The following NELL1 variants were observed in gnomAD, a reference collection of about 807,000 sequenced individuals.
The protein encoded by NELL1 is protein kinase C-binding protein NELL1.
NELL1 carries 76 observed loss-of-function variants against 107.4 expected under a neutral mutation model. The ratio of observed to expected loss-of-function variants is 0.71; its 90% CI spans 0.59 to 0.86. The LOEUF is 0.86. Ranked by LOEUF, NELL1 falls within the 40% of genes least tolerant of loss-of-function variation. The pLI is 0.00. For synonymous variants in NELL1, 353 were observed against 341.2 expected (o/e 1.03, Z -0.38); for missense variants, 1,024 against 1,005.5 (o/e 1.02, Z -0.25).
intron 16 of NELL1, among the ~76,000 whole-genome samples, chr11:21,539,523 G>A (rs911718011): frequency 2.0e-5 from 3 of 151,792 alleles, no homozygotes; most frequent in Admixed American, 6.6e-5. Flanking sequence ...GGATGGATGC[G>A]GAGCTGGAAA....
chr11:21,197,230 C>T lies in NELL1; in HGVS notation c.1427-32102C>T, dbSNP rs544087039. Reference sequence around the variant, plus strand: ...TTTTTTTTTTTAACTAAAGGAGAAACAGTATGACAGATAACACATAAAAAC... The same window carrying T: ...TTTTTTTTTTTAACTAAAGGAGAAATAGTATGACAGATAACACATAAAAAC... On this transcript the variant is annotated intron_variant, in intron 13 of 19. Transcript: ENST00000357134. Among the ~76,000 whole-genome samples the T allele has an allele frequency of 2.6e-4, 39 of 149,456 alleles. No homozygotes were observed. In the East Asian group the frequency reaches 5.3e-3, roughly 20 times the overall value.
intron 2 of NELL1, among the ~76,000 whole-genome samples, chr11:20,740,412 G>T (rs897822845): frequency 6.6e-6 from 1 of 152,136 alleles, no homozygotes; most frequent in African/African-American, 2.4e-5. Flanking sequence ...GCATTTCCCC[G>T]GTCCCAGGCT....
intron 12 of NELL1, among the ~76,000 whole-genome samples, chr11:20,984,967 C>T (rs1273217382): frequency 2.6e-5 from 4 of 152,168 alleles, no homozygotes; most frequent in Admixed American, 6.6e-5. Flanking sequence ...GTGGTTTCCT[C>T]TCAGTTACAT....
intron 13 of NELL1, among the ~76,000 whole-genome samples, chr11:21,176,749 A>G (rs1392897690): frequency 6.6e-6 from 1 of 151,732 alleles, no homozygotes; most frequent in Non-Finnish European, 1.5e-5. Context: ...CTATGTTGTC[A>G]TCAATCAAAG....
At chr11:21,064,908 A>G (rs1217218501) in intron 12 of NELL1, among the ~76,000 whole-genome samples, 1 of 152,178 alleles carries the variant, frequency 6.6e-6, no homozygotes, top group East Asian at 1.9e-4. Context: ...TTCCTCAGCA[A>G]TCATTATGCA....
At chr11:20,735,609 C>A (rs1855743875) in intron 2 of NELL1, among the ~76,000 whole-genome samples, 1 of 152,134 alleles carries the variant, frequency 6.6e-6, no homozygotes, top group African/African-American at 2.4e-5. Context: ...TGGGTGGGGA[C>A]AGAGCCAAAC....
At chr11:20,825,883 C>T (rs1219208834) in intron 3 of NELL1, among the ~76,000 whole-genome samples, 1 of 151,188 alleles carries the variant, frequency 6.6e-6, no homozygotes, top group African/African-American at 2.4e-5. Flanking sequence ...TATGTCCCCA[C>T]CCAAATCTCA....
intron 4 of NELL1, among the ~76,000 whole-genome samples, chr11:20,868,019 G>A (rs571691457): frequency 2.0e-5 from 3 of 152,294 alleles, no homozygotes; most frequent in Non-Finnish European, 2.9e-5. Context: ...GAAAAGGACC[G>A]AATAATATTT....
At chr11:21,465,323 A>T (rs1854000763) in intron 15 of NELL1, among the ~76,000 whole-genome samples, 1 of 152,096 alleles carries the variant, frequency 6.6e-6, no homozygotes, top group Admixed American at 6.6e-5. Flanking sequence ...AGCTTTGCAC[A>T]AAGTCACCCA....
At chr11:21,401,028 C>T (rs1361948838) in intron 15 of NELL1, among the ~76,000 whole-genome samples, 1 of 151,892 alleles carries the variant, frequency 6.6e-6, no homozygotes, top group African/African-American at 2.4e-5. Flanking sequence ...TTGAATGTCA[C>T]AGAGCTATAG....
intron 15 of NELL1, among the ~76,000 whole-genome samples, chr11:21,497,648 T>G (rs887062297): frequency 6.6e-6 from 1 of 152,110 alleles, no homozygotes; most frequent in African/African-American, 2.4e-5. Flanking sequence ...AAAAAAAATA[T>G]GCTTGGTTTA....
intron 14 of NELL1, among the ~76,000 whole-genome samples, chr11:21,266,538 G>A (rs1476415444): frequency 6.6e-6 from 1 of 152,010 alleles, no homozygotes; most frequent in Non-Finnish European, 1.5e-5. Context: ...ATTTTGACAC[G>A]TTGACCCTTT....
chr11:21,272,652 C>T (rs1289887221), intron 14 of NELL1, among the ~76,000 whole-genome samples: 1 of 152,232 alleles, frequency 6.6e-6, no homozygotes, highest in Non-Finnish European at 1.5e-5. Flanking sequence ...GAGGCACCCC[C>T]AAGTAGGGGC....
intron 15 of NELL1, among the ~76,000 whole-genome samples, chr11:21,503,483 T>C (rs1326850054): frequency 2.6e-5 from 4 of 152,210 alleles, no homozygotes; most frequent in Non-Finnish European, 4.4e-5. Context: ...ACTTTTGCTA[T>C]TTTTCTTGGG....
At chr11:20,985,104 C>G (rs914275376) in intron 12 of NELL1, among the ~76,000 whole-genome samples, 14 of 152,084 alleles carry the variant, frequency 9.2e-5, no homozygotes, top group African/African-American at 3.1e-4. Flanking sequence ...AGTTAATTTA[C>G]CTGTTGTTAG....
intron 4 of NELL1, among the ~76,000 whole-genome samples, chr11:20,867,072 CATA>C (rs1427179020): frequency 2.0e-5 from 3 of 152,130 alleles, no homozygotes; most frequent in Non-Finnish European, 4.4e-5. Flanking sequence ...GGGCAATGGA[CATA>C]AACCCACAAC....
intron 15 of NELL1, among the ~76,000 whole-genome samples, chr11:21,478,941 G>T (rs1445568702): frequency 6.6e-6 from 1 of 151,512 alleles, no homozygotes; most frequent in Non-Finnish European, 1.5e-5. Flanking sequence ...ATGTAAAAAG[G>T]TGCTCAATAT....
chr11:21,449,769 A>C (rs1296275199), intron 15 of NELL1, among the ~76,000 whole-genome samples: 1 of 152,216 alleles, frequency 6.6e-6, no homozygotes, highest in African/African-American at 2.4e-5. Flanking sequence ...GTTCTGTTGC[A>C]TGTGGCTACC....
intron 14 of NELL1, among the ~76,000 whole-genome samples, chr11:21,331,995 G>T (rs1238791224): frequency 6.6e-6 from 1 of 151,882 alleles, no homozygotes; most frequent in Non-Finnish European, 1.5e-5. Flanking sequence ...TTTGGTTCGT[G>T]TCAGTCTAAT....
Sources: allele counts gnomAD v4.1 joint callset (sites outside exome capture counted in the v4.1 genomes callset), GRCh38; gene constraint gnomAD v4.1.1; transcripts MANE v1.5; gene names NCBI Gene and HGNC (gene_info 2026-07-23, HGNC 2026-07-21).